The following ERCC3 variants were observed in gnomAD, a reference collection of about 807,000 sequenced individuals.
ERCC3 encodes the protein ERCC excision repair 3, TFIIH core complex helicase subunit, also known as general transcription and DNA repair factor IIH helicase/translocase subunit XPB.
Under a neutral mutation model 94.2 loss-of-function variants are expected in ERCC3, and 66 were observed. The ratio of observed to expected loss-of-function variants is 0.70; its 90% CI spans 0.57 to 0.86. The LOEUF is 0.86. Ranked by LOEUF, ERCC3 falls within the 40% of genes least tolerant of loss-of-function variation. The pLI, the probability that ERCC3 is intolerant of heterozygous loss-of-function variation, is 0.00. For synonymous variants in ERCC3, 349 were observed against 369.1 expected, an observed-to-expected ratio of 0.95 and a Z score of 0.63; for missense variants, 829 against 987.1, an observed-to-expected ratio of 0.84 and a Z score of 2.15.
At position 127,291,484 on chromosome 2, in the gene ERCC3, C is replaced by T. The variant is rs1237709696; in HGVS notation, c.471+1126G>A. ...CCATGTTGGCCAGGCTGGTCTTGAA[C>T]TCCTGACCCCAGGTGGTCCACCCAC... On this transcript the variant is annotated intron_variant, in intron 3 of 14. Coordinates refer to ENST00000285398, the MANE Select transcript of ERCC3 (RefSeq NM_000122.2). The surrounding 1 kb of genome is among the most constrained non-coding windows in gnomAD (Gnocchi z 4.9). Among the ~76,000 whole-genome samples the T allele has an allele frequency of 6.6e-6, 1 of 152,158 alleles. No individual in the cohort carries two copies. The highest frequency in any genetic ancestry group is 2.4e-5 in the African/African-American group (1 of 41,434).
At position 127,284,124 on chromosome 2, in the gene ERCC3, C is replaced by G. The variant is rs1321952343; in HGVS notation, c.1342+2579G>C. 1 of 152,212 alleles carries G rather than the reference C, an allele frequency of 6.6e-6. No individual in the cohort carries two copies. Among genetic ancestry groups the G allele is most frequent in the African/African-American group, 2.4e-5 (1 of 41,448 alleles). 9.4% of individuals were successfully genotyped at this position (152,212 alleles called of 1,614,324 possible). On this transcript the variant is annotated intron_variant, in intron 8 of 14. Transcript: ENST00000285398. The surrounding 1 kb of genome is among the most constrained non-coding windows in gnomAD (Gnocchi z 4.1). ...GTCAATTAAAGCTTCACAACATATC[C>G]AGAGTCGGATCACGCCTTCATCCTT...
At chr2:127,283,364 T>A (rs750363157) in intron 8 of ERCC3, among the ~76,000 whole-genome samples, 14 of 152,334 alleles carry the variant, frequency 9.2e-5, no homozygotes, top group Admixed American at 2.6e-4. Flanking sequence ...TGAGGCTGAC[T>A]TCTTTCACTC....
At chr2:127,288,608 G>A (rs1685158834) in intron 7 of ERCC3, 52 bp downstream of exon 7, 4 of 1,475,782 alleles carry the variant, frequency 2.7e-6, no homozygotes, top group Non-Finnish European at 3.8e-6. Context: ...GAGGCAGCTG[G>A]CAGATCCAGA....
chr2:127,293,367 C>A, intron 2 of ERCC3, 146 bp downstream of exon 2: 1 of 770,010 alleles, frequency 1.3e-6, no homozygotes, highest in Non-Finnish European at 2.1e-6. Flanking sequence ...TTGCCTTGGG[C>A]TGTTCCAACG....
chr2:127,291,077 GTC>G lies in ERCC3; in HGVS notation c.472-806_472-805del, dbSNP rs1338807691. ...AGCCTGGGCGACAGAGCAAGACTCCGTCTCAAAAAAAAAGAAAAAAAAAATTT... is the reference window on the plus strand; with the variant it reads ...AGCCTGGGCGACAGAGCAAGACTCCGTCAAAAAAAAAGAAAAAAAAAATTT... On this transcript the variant is annotated intron_variant, in intron 3 of 14. Coordinates refer to ENST00000285398, the MANE Select transcript of ERCC3 (RefSeq NM_000122.2). The surrounding 1 kb of genome is among the most constrained non-coding windows in gnomAD (Gnocchi z 4.9). Among the ~76,000 whole-genome samples the G allele has an allele frequency of 6.6e-6, 1 of 151,706 alleles. No homozygotes were observed. Among genetic ancestry groups the G allele is most frequent in the Non-Finnish European group, 1.5e-5 (1 of 67,918 alleles).
At chr2:127,278,400 A>C (rs377583516) in intron 10 of ERCC3, among the ~76,000 whole-genome samples, 3 of 152,356 alleles carry the variant, frequency 2.0e-5, no homozygotes, top group African/African-American at 7.2e-5. Flanking sequence ...TGGATTAAAA[A>C]GTCTTTCTAA....
At position 127,294,046 on chromosome 2, in the gene ERCC3, C is replaced by T. The variant is rs886054844; in HGVS notation, c.28+8G>A. On this transcript the variant is annotated splice_region_variant and intron_variant, in intron 1 of 14. Coordinates refer to ENST00000285398, the MANE Select transcript of ERCC3 (RefSeq NM_000122.2). The stretch of plus-strand genomic sequence containing the variant: ...GTCGTGGCTGAGCGTGCCCGCGCAA[C>T]GTCTCACCGCGGTCCGCTCGGTCTC... 25 of 1,605,904 alleles carry T rather than the reference C, an allele frequency of 1.6e-5. No individual in the cohort carries two copies. Among genetic ancestry groups the T allele is most frequent in the South Asian group, 2.2e-5 (2 of 90,834 alleles).
Position 127,259,304 on chromosome 2 carries a change from A to G in ERCC3, c.2209T>C (p.Ser737Pro), listed in dbSNP as rs773618141. 3.1e-6 allele frequency: 5 copies of G among 1,614,148 alleles called. No individual in the cohort carries two copies. The highest frequency in any genetic ancestry group is 4.2e-6 in the Non-Finnish European group (5 of 1,180,022). ...CTCACCCATTTACTCACCTGGCTGG[A>G]TCTGGAGCCAAATTCCCCAGCCACC... Reference protein sequence around the residue: ...EVVAGEFGSRSSQASRRFGTM... With the variant: ...EVVAGEFGSRPSQASRRFGTM... The change falls in exon 14 of 15, where the codon TCC becomes CCC. Residue 737 changes from serine (S) to proline (P), a missense_variant. Transcript: ENST00000285398. This position sits in a 1 kb window ranked among gnomAD's most constrained non-coding sequence, Gnocchi z 4.9.
chr2:127,262,934 A>G (rs1573929808), intron 12 of ERCC3: 1 of 152,022 alleles, frequency 6.6e-6, no homozygotes, highest in East Asian at 1.9e-4. Flanking sequence ...CCCACTGCAT[A>G]TTTTTGCCAA....
At chr2:127,293,336 C>T (rs1364476401) in intron 2 of ERCC3, among the ~76,000 whole-genome samples, 177 bp downstream of exon 2, 2 of 152,328 alleles carry the variant, frequency 1.3e-5, no homozygotes, top group Middle Eastern at 3.4e-3. Flanking sequence ...GGCCGCCACA[C>T]GTGTGCGCAA....
In ERCC3 at chr2:127,273,923, GTGA is replaced by G. The variant is rs369034835; in HGVS notation, c.1731-965_1731-963del. ...TAGCTTCCCAAGAATCATAACAACAGTGATGATGATGATGACAACAGCAAAGAC... is the reference window on the plus strand; with the variant it reads ...TAGCTTCCCAAGAATCATAACAACAGTGATGATGATGACAACAGCAAAGAC... On this transcript the variant is annotated intron_variant, in intron 10 of 14. Coordinates refer to ENST00000285398, the MANE Select transcript of ERCC3 (RefSeq NM_000122.2). Among the ~76,000 whole-genome samples the G allele has an allele frequency of 1.1e-3, 171 of 151,806 alleles. 1 individual carries two copies. Among genetic ancestry groups the G allele is most frequent in the Middle Eastern group, 3.4e-3 (1 of 294 alleles).
In ERCC3 at chr2:127,291,013, T is replaced by G. The variant is rs183095167; in HGVS notation, c.472-740A>C. 5.7e-3 allele frequency: 862 copies of G among 151,922 alleles called. 33 individuals are homozygous for G. The highest frequency in any genetic ancestry group is 0.052 in the Admixed American group (797 of 15,250). 9.4% of individuals were successfully genotyped at this position (151,922 alleles called of 1,614,324 possible). ...AGGAGAACTGCTTGAGCCTGGGAGG[T>G]AGAGGTTGCAGTGAGCCAAGATCAT... On this transcript the variant is annotated intron_variant, in intron 3 of 14. Coordinates refer to ENST00000285398, the MANE Select transcript of ERCC3 (RefSeq NM_000122.2). This position sits in a 1 kb window ranked among gnomAD's most constrained non-coding sequence, Gnocchi z 4.9.
Position 127,291,720 on chromosome 2 carries a change from G to A in ERCC3, c.471+890C>T, listed in dbSNP as rs4150409. On this transcript the variant is annotated intron_variant, in intron 3 of 14. Coordinates refer to ENST00000285398, the MANE Select transcript of ERCC3 (RefSeq NM_000122.2). The surrounding 1 kb of genome is among the most constrained non-coding windows in gnomAD (Gnocchi z 4.9). ...TCCTTTTGGATCAGCCAAAGGCAAT[G>A]AAAGCCACTGTCCATCTCTTTTAAA... Among the ~76,000 whole-genome samples the A allele has an allele frequency of 0.014, 2,097 of 152,320 alleles. 47 individuals are homozygous for A. Among genetic ancestry groups the A allele is most frequent in the African/African-American group, 0.047 (1,949 of 41,562 alleles).
In ERCC3 at chr2:127,257,818, C is replaced by T. The variant is rs113307440; in HGVS notation, c.2218-91G>A. On this transcript the variant is annotated intron_variant, in intron 14 of 14. Transcript: ENST00000285398. The surrounding 1 kb of genome is among the most constrained non-coding windows in gnomAD (Gnocchi z 5.4). ...TATAATCACAGCAAATTTTATAAGA[C>T]TTACATAAATTTAATACATCATTTT... The T allele has an allele frequency of 3.4e-3, 4,739 of 1,400,084 alleles. 136 individuals are homozygous for T. In the African/African-American group the frequency reaches 0.059, roughly 18 times the overall value. The allele number at this position is 1,400,084 out of a possible 1,614,324, so 86.7% of individuals were successfully genotyped here. A position where few individuals can be genotyped will look rare whatever the true frequency, so the allele number is the denominator to read the frequency against.
rs1375552681 is a variant in ERCC3 at position 127,279,074 on chromosome 2, C to T, written c.1730+99G>A. ...AAGATCTTTGGAGCCCAAGAAGTTC[C>T]TGAGAGAAAAACAAAAAAACAAAAC... On this transcript the variant is annotated intron_variant, in intron 10 of 14. Coordinates refer to ENST00000285398, the MANE Select transcript of ERCC3 (RefSeq NM_000122.2). The surrounding 1 kb of genome is among the most constrained non-coding windows in gnomAD (Gnocchi z 4.7). 3 of 809,098 alleles carry T rather than the reference C, an allele frequency of 3.7e-6. No individual in the cohort carries two copies. Among genetic ancestry groups the T allele is most frequent in the Non-Finnish European group, 4.2e-6 (2 of 478,996 alleles). The allele number at this position is 809,098 out of a possible 1,614,324, so 50.1% of individuals were successfully genotyped here. A position where few individuals can be genotyped will look rare whatever the true frequency, so the allele number is the denominator to read the frequency against.
intron 8 of ERCC3, among the ~76,000 whole-genome samples, chr2:127,282,479 A>G (rs931814162): frequency 7.2e-5 from 11 of 152,382 alleles, no homozygotes; most frequent in African/African-American, 2.6e-4. Context: ...AATATACACA[A>G]GTACCATAAT....
In ERCC3 at chr2:127,279,333, C is replaced by T; in HGVS notation, c.1570G>A (p.Ala524Thr). 6.2e-7 allele frequency: 1 copy of T among 1,614,112 alleles called. No homozygotes were observed. Among genetic ancestry groups the T allele is most frequent in the Admixed American group, 1.7e-5 (1 of 60,014 alleles). The change falls in exon 10 of 15, where the codon GCA (alanine) becomes ACA (threonine). Residue 524 changes from alanine to threonine, a missense_variant. Physicochemically the swap from Ala to Thr is moderately conservative, Grantham distance 58. Transcript: ENST00000285398. This position sits in a 1 kb window ranked among gnomAD's most constrained non-coding sequence, Gnocchi z 4.7. ...MSPEFYREYV[A>T]IKTKKRILLY... ...AAGATTCGTTTCTTGGTTTTGATTG[C>T]CACATATTCCCGGTAAAATTCAGGA...
rs2104727609 is a variant in ERCC3, at chr2:127,258,716, G to A, written c.2217+580C>T. Among the ~76,000 whole-genome samples, 1 of 152,310 alleles carries A rather than the reference G, an allele frequency of 6.6e-6. No individual in the cohort carries two copies. The highest frequency in any genetic ancestry group is 6.5e-5 in the Admixed American group (1 of 15,300). ...AGGCCTGCTAATTCTCCATAATGAT[G>A]CTCTCACTAATTAGACCATATATTT... On this transcript the variant is annotated intron_variant, in intron 14 of 14. Transcript: ENST00000285398. This position sits in a 1 kb window ranked among gnomAD's most constrained non-coding sequence, Gnocchi z 4.1.
intron 5 of ERCC3, 87 bp downstream of exon 5, chr2:127,289,602 G>C (rs1211915964): frequency 1.2e-6 from 2 of 1,602,490 alleles, no homozygotes; most frequent in Non-Finnish European, 8.5e-7. Context: ...GGGCTGCTAG[G>C]TTGTAAGTGC....
Sources: gnomAD v4.1 joint callset for allele counts (sites outside exome capture counted in the v4.1 genomes callset) on GRCh38, gnomAD v4.1.1 for gene constraint, Gnocchi (gnomAD v3.1) non-coding constraint, MANE v1.5 for transcripts, NCBI Gene and HGNC (gene_info 2026-07-23, HGNC 2026-07-21) for gene names.